Variants in CENPE observed in about 807,000 individuals in gnomAD.
CENPE encodes the protein centromere-associated protein E.
CENPE carries 145 observed loss-of-function variants against 336.1 expected under a neutral mutation model. The ratio of observed to expected loss-of-function variants is 0.43; its 90% confidence interval spans 0.38 to 0.50. CENPE has a LOEUF of 0.50. Among genes scored for constraint, CENPE ranks in the 20% least tolerant of loss-of-function variants. CENPE has a pLI of 0.00. For synonymous variants in CENPE, 1,013 were observed against 984.8 expected (o/e 1.03, Z -0.54); for missense variants, 2,719 against 3,023.3 (o/e 0.90, Z 2.36).
Position 103,188,812 on chromosome 4 carries a change from C to T in CENPE, c.694-2951G>A, listed in dbSNP as rs563048562. Among the ~76,000 whole-genome samples the T allele has an allele frequency of 9.2e-5, 14 of 152,028 alleles. No individual in the cohort carries two copies. The South Asian group carries it at 2.5e-3, about 27-fold the overall frequency. ...AAGATCAGAGCAGAACTGAAGGAGA[C>T]AGAGACACAAAAAACCCTTCAAAAA... On this transcript the variant is annotated intron_variant, in intron 8 of 48. Coordinates refer to ENST00000265148, the MANE Select transcript of CENPE (RefSeq NM_001813.3).
At position 103,136,316 on chromosome 4, in the gene CENPE, C is replaced by T; in HGVS notation, c.6347G>A (p.Cys2116Tyr). Reference protein sequence around the residue: ...RYSEMDDHYECLNRLSLDLEK... With the variant: ...RYSEMDDHYEYLNRLSLDLEK... ...CAAGTCAAGAGACAATCTATTCAAG[C>T]ACTCATAATGATCATCCATCTCTGA... The change falls in exon 40 of 49, where the codon TGC (cysteine) becomes TAC (tyrosine). Residue 2116 changes from cysteine (C) to tyrosine (Y), a missense_variant. Coordinates refer to ENST00000265148, the MANE Select transcript of CENPE (RefSeq NM_001813.3). 1 of 1,612,718 alleles carries T rather than the reference C, an allele frequency of 6.2e-7. No homozygotes were observed. Among genetic ancestry groups the T allele is most frequent in the South Asian group, 1.1e-5 (1 of 91,028 alleles).
In CENPE at chr4:103,141,840, G is replaced by A. The variant is rs771756282; in HGVS notation, c.5373C>T (p.Asp1791=). 12 of 1,597,064 alleles carry A rather than the reference G, an allele frequency of 7.5e-6. No individual in the cohort carries two copies. The South Asian group carries it at 7.8e-5, about 10-fold the overall frequency. The part of the protein sequence containing the change: ...MHLKEQQETI[D]KLRGIVSEKT... ...TCTCAGAAACAATTCCTCTGAGTTTGTCAATAGTTTCCTGCTGCTCTTTCA... is the reference window on the plus strand; with the variant it reads ...TCTCAGAAACAATTCCTCTGAGTTTATCAATAGTTTCCTGCTGCTCTTTCA... The change falls in exon 35 of 49, where the codon GAC becomes GAT. Residue 1791 remains aspartate (D), a synonymous_variant. Transcript: ENST00000265148.
chr4:103,194,520 A>C, intron 6 of CENPE, 79 bp from the exon 7 acceptor site: 1 of 1,463,328 alleles, frequency 6.8e-7, no homozygotes, highest in African/African-American at 1.4e-5. Context: ...TAACTTAAAA[A>C]AGTATGATTT....
At chr4:103,109,866 CA>C (rs1050455701) in intron 47 of CENPE, among the ~76,000 whole-genome samples, 10 of 152,156 alleles carry the variant, frequency 6.6e-5, no homozygotes, top group Non-Finnish European at 1.3e-4. Context: ...CCATATTCTT[CA>C]AAATGAACTA....
At chr4:103,172,210 A>G (rs939021554) in intron 16 of CENPE, among the ~76,000 whole-genome samples, 7 of 152,116 alleles carry the variant, frequency 4.6e-5, no homozygotes, top group Admixed American at 4.6e-4. Context: ...CCTGAACAAA[A>G]TACTATAAAA....
intron 4 of CENPE, among the ~76,000 whole-genome samples, chr4:103,195,686 G>C (rs1339291204): frequency 1.3e-5 from 2 of 152,026 alleles, no homozygotes; most frequent in Non-Finnish European, 2.9e-5. Flanking sequence ...TTTTTGTTGA[G>C]AGTATTATTG....
At chr4:103,189,552 C>T (rs1319084562) in intron 8 of CENPE, among the ~76,000 whole-genome samples, 1 of 152,172 alleles carries the variant, frequency 6.6e-6, no homozygotes, top group Non-Finnish European at 1.5e-5. Context: ...ACATGATTAT[C>T]TCAATAGATG....
intron 23 of CENPE, 49 bp downstream of exon 23, chr4:103,158,565 G>A: frequency 6.5e-7 from 1 of 1,541,760 alleles, no homozygotes; most frequent in East Asian, 2.3e-5. Flanking sequence ...CCTCTGCAAT[G>A]TTTTTAAGAG....
intron 8 of CENPE, among the ~76,000 whole-genome samples, chr4:103,189,321 T>G (rs1005627006): frequency 2.0e-5 from 3 of 152,120 alleles, no homozygotes; most frequent in African/African-American, 7.2e-5. Flanking sequence ...AACCAAAGCC[T>G]GGCAGAGACA....
rs72946159 is a variant in CENPE at position 103,156,163 on chromosome 4, G to A, written c.3033+2137C>T. Among the ~76,000 whole-genome samples the A allele has an allele frequency of 4.2e-3, 635 of 152,188 alleles. 5 individuals carry two copies. Among genetic ancestry groups the A allele is most frequent in the African/African-American group, 0.014 (591 of 41,528 alleles). ...ATATTTTTAAGACATCAATACTACC[G>A]AACAATCTACCATTTAATGTAATCC... On this transcript the variant is annotated intron_variant, in intron 24 of 48. Coordinates refer to ENST00000265148, the MANE Select transcript of CENPE (RefSeq NM_001813.3).
chr4:103,134,016 G>A, intron 40 of CENPE, 124 bp from the exon 41 acceptor site: 1 of 676,736 alleles, frequency 1.5e-6, no homozygotes, highest in Non-Finnish European at 2.6e-6. Context: ...TCACAAGTGA[G>A]GAAAAGGGAA....
intron 8 of CENPE, among the ~76,000 whole-genome samples, chr4:103,187,355 C>T (rs1300252741): frequency 6.6e-6 from 1 of 152,082 alleles, no homozygotes; most frequent in Non-Finnish European, 1.5e-5. Context: ...GTCAGATTCA[C>T]CAAAGTTGAA....
intron 16 of CENPE, among the ~76,000 whole-genome samples, chr4:103,168,482 G>A (rs532165258): frequency 1.9e-4 from 29 of 152,154 alleles, no homozygotes; most frequent in Non-Finnish European, 3.5e-4. Flanking sequence ...AATCCTCCCT[G>A]CATAAGGAAC....
In CENPE at chr4:103,140,017, A is replaced by G; in HGVS notation, c.5976T>C (p.Ser1992=). The change falls in exon 38 of 49, where the codon AGT becomes AGC. Residue 1992 remains serine (S), a synonymous_variant. Transcript: ENST00000265148. ...LLRVKEDVNM[S]HKKINEMEQL... ...GTTCCATTTCATTAATTTTTTTATG[A>G]CTCATATTGACATCTTCTTTCACTC... The G allele has an allele frequency of 6.2e-7, 1 of 1,612,216 alleles. No individual in the cohort carries two copies. Among genetic ancestry groups the G allele is most frequent in the Non-Finnish European group, 8.5e-7 (1 of 1,178,986 alleles).
chr4:103,184,416 C>T (rs17217347), intron 9 of CENPE, among the ~76,000 whole-genome samples: 2,647 of 152,264 alleles, frequency 0.017, 42 homozygotes, highest in Non-Finnish European at 0.028. Context: ...GCTTTTAAGG[C>T]ATCTGGACTT....
At position 103,149,289 on chromosome 4, in the gene CENPE, C is replaced by T. The variant is rs1357426213; in HGVS notation, c.3516G>A (p.Leu1172=). Residue 1172 remains leucine (L), a synonymous_variant, in exon 27 of 49, where the codon TTG becomes TTA. Transcript: ENST00000265148. The stretch of plus-strand genomic sequence containing the variant: ...TCTCTGTTTCCATATGTTCCAATGT[C>T]AATTCTTTGTTCTTTAATTCATTCT... The part of the protein sequence containing the change: ...NLKNELKNKE[L]TLEHMETERL... The T allele has an allele frequency of 6.2e-7, 1 of 1,612,464 alleles. No homozygotes were observed. The highest frequency in any genetic ancestry group is 2.2e-5 in the East Asian group (1 of 44,802).
intron 44 of CENPE, among the ~76,000 whole-genome samples, chr4:103,119,813 G>A (rs1261792881): frequency 8.6e-5 from 13 of 151,332 alleles, no homozygotes; most frequent in African/African-American, 2.7e-4. Flanking sequence ...GCAGTAAGTA[G>A]GAAAAAAAGA....
intron 8 of CENPE, among the ~76,000 whole-genome samples, chr4:103,186,475 T>C (rs1358028047): frequency 6.6e-6 from 1 of 152,218 alleles, no homozygotes; most frequent in African/African-American, 2.4e-5. Flanking sequence ...GTTGGGCTAG[T>C]CATGCATGCT....
intron 42 of CENPE, among the ~76,000 whole-genome samples, chr4:103,126,397 C>T (rs1180065556): frequency 6.6e-6 from 1 of 152,142 alleles, no homozygotes; most frequent in African/African-American, 2.4e-5. Flanking sequence ...TTTCAGCTGG[C>T]TCTTGCCTTC....
Sources: allele counts gnomAD v4.1 joint callset (sites outside exome capture counted in the v4.1 genomes callset), GRCh38; gene constraint gnomAD v4.1.1; transcripts MANE v1.5; gene names NCBI Gene and HGNC (gene_info 2026-07-23, HGNC 2026-07-21).